The following MACROD1 variants were observed in gnomAD, a reference collection of about 807,000 sequenced individuals.
MACROD1 encodes the protein ADP-ribose glycohydrolase MACROD1.
In MACROD1, 31 loss-of-function variants were observed where a neutral mutation model predicts 41.4. The observed-to-expected ratio is 0.75, with a 90% CI of 0.56 to 1.01. The LOEUF is 1.01. Ranked by LOEUF, MACROD1 falls within the 50% of genes least tolerant of loss-of-function variation. The probability of loss-of-function intolerance (pLI) is 0.00; values close to 1 mark genes in which losing one functional copy is unlikely to be tolerated. For missense variants in MACROD1, 473 were observed against 460.0 expected, an observed-to-expected ratio of 1.03 and a Z score of -0.26; for synonymous variants, 252 against 203.4, an observed-to-expected ratio of 1.24 and a Z score of -2.03.
intron 3 of MACROD1, among the ~76,000 whole-genome samples, chr11:64,035,705 G>GCGACCC (rs1565203035): frequency 8.5e-4 from 4 of 4,716 alleles, no homozygotes; most frequent in Non-Finnish European, 3.8e-3. Flanking sequence ...GCGCAGCGCG[G>GCGACCC]CGCCCCCGTC....
intron 3 of MACROD1, among the ~76,000 whole-genome samples, chr11:64,087,396 T>A (rs1565226337): frequency 6.6e-6 from 1 of 152,140 alleles, no homozygotes; most frequent in Non-Finnish European, 1.5e-5. Flanking sequence ...ACAGGCCGGT[T>A]GTCCCCAGCC....
rs371817721 is a variant in MACROD1 at position 64,116,941 on chromosome 11, G to A, written c.517+34298C>T. 26 of 1,611,266 alleles carry A rather than the reference G, an allele frequency of 1.6e-5. No individual in the cohort carries two copies. In the East Asian group the frequency reaches 3.8e-4, roughly 23 times the overall value. ...GCCTTCAAGGGCCTCAACAGCCTGC[G>A]GCGCCTGGTGCTGGACGGTAACCTG... is the stretch of plus-strand genomic sequence containing the variant. On this transcript the variant is annotated intron_variant, in intron 3 of 10. Coordinates refer to ENST00000255681, the MANE Select transcript of MACROD1 (RefSeq NM_014067.4).
chr11:64,133,194 G>A (rs535092669), intron 3 of MACROD1, among the ~76,000 whole-genome samples: 2 of 152,188 alleles, frequency 1.3e-5, no homozygotes, highest in East Asian at 1.9e-4. Context: ...CTGCTGCCCC[G>A]CTACACAGGG....
At chr11:64,112,831 C>A (rs1473323624) in intron 3 of MACROD1, among the ~76,000 whole-genome samples, 8 of 152,194 alleles carry the variant, frequency 5.3e-5, no homozygotes, top group African/African-American at 1.9e-4. Context: ...TTAGCAGCCA[C>A]CTTGATGACT....
intron 3 of MACROD1, among the ~76,000 whole-genome samples, chr11:64,057,077 C>T (rs746771031): frequency 5.9e-5 from 9 of 152,192 alleles, no homozygotes; most frequent in South Asian, 2.1e-4. Flanking sequence ...CAGCCTGCGT[C>T]GCACCAGCTC....
intron 3 of MACROD1, among the ~76,000 whole-genome samples, chr11:64,131,397 G>T (rs192378842): frequency 6.6e-6 from 1 of 152,284 alleles, no homozygotes; most frequent in African/African-American, 2.4e-5. Flanking sequence ...ACAGTGAGGT[G>T]ATCTCGGCAG....
Position 64,090,276 on chromosome 11 carries a change from C to T in MACROD1, c.517+60963G>A, listed in dbSNP as rs562714480. On this transcript the variant is annotated intron_variant, in intron 3 of 10. Coordinates refer to ENST00000255681, the MANE Select transcript of MACROD1 (RefSeq NM_014067.4). The surrounding 1 kb of genome is among the most constrained non-coding windows in gnomAD (Gnocchi z 4.7). ...CTTTGCTCATCCTCGGGAAATGCAT[C>T]GTGCGTTGCTTTTCCCGTCTGGGAG... Among the ~76,000 whole-genome samples the T allele has an allele frequency of 2.6e-3, 399 of 152,304 alleles. 3 individuals carry two copies. Among genetic ancestry groups the T allele is most frequent in the South Asian group, 0.024 (114 of 4,828 alleles).
At chr11:64,051,946 C>G (rs893032884) in intron 3 of MACROD1, among the ~76,000 whole-genome samples, 8 of 151,666 alleles carry the variant, frequency 5.3e-5, no homozygotes, top group Non-Finnish European at 7.4e-5. Flanking sequence ...GCCACTGGTG[C>G]CCGGACAGTG....
chr11:64,019,353 C>A (rs1943123741), intron 3 of MACROD1, among the ~76,000 whole-genome samples: 1 of 152,210 alleles, frequency 6.6e-6, no homozygotes, highest in Non-Finnish European at 1.5e-5. Context: ...TGCTGGCGGT[C>A]CCTGGGGACT....
At chr11:64,070,914 T>C (rs1944097593) in intron 3 of MACROD1, among the ~76,000 whole-genome samples, 1 of 152,048 alleles carries the variant, frequency 6.6e-6, no homozygotes, top group Non-Finnish European at 1.5e-5. Context: ...TACCCATGGG[T>C]CCACATCTTC....
chr11:64,160,814 TA>T (rs34275911), intron 1 of MACROD1, among the ~76,000 whole-genome samples: 1,290 of 111,068 alleles, frequency 0.012, 13 homozygotes, highest in African/African-American at 0.035. Context: ...AGACCATATC[TA>T]AAAAAAAAAA....
chr11:64,017,666 G>A (rs1049784269), intron 3 of MACROD1, among the ~76,000 whole-genome samples: 1 of 152,164 alleles, frequency 6.6e-6, no homozygotes, highest in Admixed American at 6.5e-5. Context: ...TCTGGGCAGT[G>A]CCACCCCAGA....
chr11:64,151,806 G>A (rs1043651784), intron 2 of MACROD1, among the ~76,000 whole-genome samples: 9 of 152,094 alleles, frequency 5.9e-5, no homozygotes, highest in Admixed American at 5.9e-4. Context: ...CATACAATGG[G>A]GATAAAAATT....
chr11:64,158,011 G>T (rs1447101511), intron 1 of MACROD1, among the ~76,000 whole-genome samples: 1 of 152,198 alleles, frequency 6.6e-6, no homozygotes, highest in Non-Finnish European at 1.5e-5. Context: ...CCACACCAGG[G>T]CATTGGCAAG....
chr11:64,072,556 C>T (rs962545574), intron 3 of MACROD1, among the ~76,000 whole-genome samples: 3 of 152,244 alleles, frequency 2.0e-5, no homozygotes, highest in East Asian at 1.9e-4. Context: ...ATAGCAGCTG[C>T]GCTGCATCCT....
At chr11:64,162,423 G>C (rs1229152439) in intron 1 of MACROD1, among the ~76,000 whole-genome samples, 1 of 151,908 alleles carries the variant, frequency 6.6e-6, no homozygotes, top group Admixed American at 6.6e-5. Flanking sequence ...GGATCGCTGA[G>C]CCCAGCAGTT....
chr11:64,158,193 G>C (rs571549811), intron 1 of MACROD1, among the ~76,000 whole-genome samples: 3 of 152,136 alleles, frequency 2.0e-5, no homozygotes, highest in Admixed American at 6.6e-5. Flanking sequence ...GAGCGTAGCA[G>C]CCCCACCTTG....
chr11:64,091,728 A>T (rs1474796902), intron 3 of MACROD1, among the ~76,000 whole-genome samples: 1 of 152,178 alleles, frequency 6.6e-6, no homozygotes, highest in Non-Finnish European at 1.5e-5. Context: ...CCACCTGGAC[A>T]CTGGCCATTA....
intron 3 of MACROD1, among the ~76,000 whole-genome samples, chr11:64,020,696 C>T (rs1943141929): frequency 6.6e-6 from 1 of 152,000 alleles, no homozygotes; most frequent in African/African-American, 2.4e-5. Context: ...GAATCACTAT[C>T]ACTGCCTCCA....
Sources: gnomAD v4.1 joint callset for allele counts (sites outside exome capture counted in the v4.1 genomes callset) on GRCh38, gnomAD v4.1.1 for gene constraint, Gnocchi (gnomAD v3.1) non-coding constraint, MANE v1.5 for transcripts, NCBI Gene and HGNC (gene_info 2026-07-23, HGNC 2026-07-21) for gene names.